The following CDH12 variants were observed in gnomAD, a reference collection of about 807,000 sequenced individuals.
The protein encoded by CDH12 is cadherin-12.
Under a neutral mutation model 74.1 loss-of-function variants are expected in CDH12, and 41 were observed. The ratio of observed to expected loss-of-function variants is 0.55; its 90% confidence interval spans 0.43 to 0.72. CDH12 has a LOEUF of 0.72. Ranked by LOEUF, CDH12 falls within the 30% of genes least tolerant of loss-of-function variation. CDH12 has a pLI of 0.00. For missense variants in CDH12, 945 were observed against 977.2 expected (o/e 0.97, Z 0.44); for synonymous variants, 399 against 355.0 (o/e 1.12, Z -1.39).
At chr5:22,387,241 T>C (rs2126405448) in intron 3 of CDH12, among the ~76,000 whole-genome samples, 1 of 151,860 alleles carries the variant, frequency 6.6e-6, no homozygotes, top group Non-Finnish European at 1.5e-5. Context: ...TTAAAAATTG[T>C]AATGTACATT....
intron 5 of CDH12, among the ~76,000 whole-genome samples, chr5:22,066,068 C>G (rs755705287): frequency 6.6e-6 from 1 of 152,014 alleles, no homozygotes; most frequent in Non-Finnish European, 1.5e-5. Context: ...GTTTATAGAC[C>G]CAAAATCCCT....
At chr5:22,653,878 C>T (rs1288003314) in intron 1 of CDH12, among the ~76,000 whole-genome samples, 2 of 152,190 alleles carry the variant, frequency 1.3e-5, no homozygotes, top group East Asian at 3.9e-4. Flanking sequence ...TTCTTCAAGT[C>T]TCCGAGCTTA....
intron 5 of CDH12, among the ~76,000 whole-genome samples, chr5:21,984,136 GT>G (rs1757420767): frequency 1.3e-5 from 2 of 152,076 alleles, no homozygotes; most frequent in African/African-American, 4.8e-5. Flanking sequence ...CTAATTTGAA[GT>G]TTTGAGTTTT....
intron 2 of CDH12, among the ~76,000 whole-genome samples, chr5:22,493,996 A>T (rs1746998324): frequency 6.6e-6 from 1 of 152,270 alleles, no homozygotes; most frequent in African/African-American, 2.4e-5. Context: ...GTGATCAGAT[A>T]AGAGGAGAAA....
intron 3 of CDH12, among the ~76,000 whole-genome samples, chr5:22,364,408 T>C (rs1478204158): frequency 6.6e-6 from 1 of 152,150 alleles, no homozygotes; most frequent in East Asian, 1.9e-4. Flanking sequence ...TAGAATTTAA[T>C]TGTGTGTATC....
intron 1 of CDH12, among the ~76,000 whole-genome samples, chr5:22,719,326 A>C (rs1743755193): frequency 6.6e-6 from 1 of 152,226 alleles, no homozygotes; most frequent in Non-Finnish European, 1.5e-5. Flanking sequence ...ACAATCAAAA[A>C]TGAAAATATA....
At chr5:22,407,188 CA>C (rs1466553874) in intron 2 of CDH12, among the ~76,000 whole-genome samples, 2 of 152,014 alleles carry the variant, frequency 1.3e-5, no homozygotes, top group Non-Finnish European at 2.9e-5. Flanking sequence ...ATCTCAAACT[CA>C]AAAATTATCA....
At position 22,054,809 on chromosome 5, in the gene CDH12, G is replaced by A. The variant is rs115672675; in HGVS notation, c.231+23637C>T. Among the ~76,000 whole-genome samples the A allele has an allele frequency of 9.7e-4, 148 of 152,178 alleles. 1 individual carries two copies. The highest frequency in any genetic ancestry group is 3.3e-3 in the African/African-American group (138 of 41,502). On this transcript the variant is annotated intron_variant, in intron 5 of 14. Coordinates refer to ENST00000382254, the MANE Select transcript of CDH12 (RefSeq NM_004061.5). Reference sequence around the variant, plus strand: ...AGTCACCATAATGATTGGGAAAATCGTATGTTAAAGCCAAGAATAGGCTAC... The same window carrying A: ...AGTCACCATAATGATTGGGAAAATCATATGTTAAAGCCAAGAATAGGCTAC...
intron 2 of CDH12, among the ~76,000 whole-genome samples, chr5:22,422,837 A>T (rs547190414): frequency 6.6e-6 from 1 of 152,160 alleles, no homozygotes; most frequent in East Asian, 1.9e-4. Flanking sequence ...TGAGTAAAAA[A>T]CTAGATTCCA....
At chr5:22,299,303 TG>T (rs1277166940) in intron 3 of CDH12, among the ~76,000 whole-genome samples, 1 of 152,002 alleles carries the variant, frequency 6.6e-6, no homozygotes, top group Non-Finnish European at 1.5e-5. Context: ...CCTAGGGCCA[TG>T]TAGTGCCCTG....
chr5:22,078,710 A>T lies in CDH12; in HGVS notation c.-34T>A. On this transcript the variant is annotated 5_prime_UTR_variant, in exon 5 of 15. Transcript: ENST00000382254. ...GCTTTCCTACAGCAGAGTAATAAAAACTCCAACACTTAACGTAGAATTGTG... is the reference window on the plus strand; with the variant it reads ...GCTTTCCTACAGCAGAGTAATAAAATCTCCAACACTTAACGTAGAATTGTG... The T allele has an allele frequency of 6.2e-7, 1 of 1,603,644 alleles. No homozygotes were observed. The highest frequency in any genetic ancestry group is 8.5e-7 in the Non-Finnish European group (1 of 1,174,020).
intron 11 of CDH12, among the ~76,000 whole-genome samples, chr5:21,773,882 T>A (rs1307977359): frequency 6.6e-6 from 1 of 152,178 alleles, no homozygotes; most frequent in African/African-American, 2.4e-5. Context: ...GTTGTTAACT[T>A]TATATAATAG....
chr5:22,261,552 C>T (rs1225115836), intron 3 of CDH12, among the ~76,000 whole-genome samples: 2 of 152,002 alleles, frequency 1.3e-5, no homozygotes, highest in Non-Finnish European at 2.9e-5. Flanking sequence ...ATACTGGGCT[C>T]ATCTTGTCAT....
At chr5:22,550,345 C>G (rs1019397387) in intron 1 of CDH12, among the ~76,000 whole-genome samples, 1 of 152,140 alleles carries the variant, frequency 6.6e-6, no homozygotes, top group African/African-American at 2.4e-5. Context: ...GCCAATCTGA[C>G]AAATCTGATT....
intron 3 of CDH12, among the ~76,000 whole-genome samples, chr5:22,259,239 G>A (rs1407765393): frequency 6.6e-6 from 1 of 151,832 alleles, no homozygotes; most frequent in Non-Finnish European, 1.5e-5. Context: ...GATCCTCAAT[G>A]GTCTAAAACA....
At chr5:21,982,649 A>G (rs1179358777) in intron 5 of CDH12, among the ~76,000 whole-genome samples, 1 of 151,714 alleles carries the variant, frequency 6.6e-6, no homozygotes. Flanking sequence ...CTACATCTAC[A>G]TCTATAGCTA....
intron 3 of CDH12, among the ~76,000 whole-genome samples, chr5:22,246,707 G>C (rs1752956936): frequency 6.6e-6 from 1 of 152,156 alleles, no homozygotes; most frequent in Admixed American, 6.6e-5. Flanking sequence ...CAAAATGTAA[G>C]ACTTTTCACA....
At chr5:22,028,469 G>A (rs555965491) in intron 5 of CDH12, among the ~76,000 whole-genome samples, 21 of 152,002 alleles carry the variant, frequency 1.4e-4, no homozygotes, top group Middle Eastern at 3.4e-3. Flanking sequence ...CACCAATAAC[G>A]GACAAACAGA....
At chr5:22,663,015 C>T (rs1047298949) in intron 1 of CDH12, among the ~76,000 whole-genome samples, 66 of 152,300 alleles carry the variant, frequency 4.3e-4, no homozygotes, top group Admixed American at 1.4e-3. Flanking sequence ...ATAATATTAA[C>T]TATCCTAACA....
Sources: allele counts gnomAD v4.1 joint callset (sites outside exome capture counted in the v4.1 genomes callset), GRCh38; gene constraint gnomAD v4.1.1; transcripts MANE v1.5; gene names NCBI Gene and HGNC (gene_info 2026-07-23, HGNC 2026-07-21).